PDE4D: variants seen among roughly 807,000 people sequenced by gnomAD.
The protein encoded by PDE4D is 3',5'-cyclic-AMP phosphodiesterase 4D.
PDE4D carries 24 observed loss-of-function variants against 87.4 expected under a neutral mutation model. That is an observed-to-expected ratio of 0.27 (90% CI 0.20 to 0.39). The LOEUF (loss-of-function observed/expected upper bound fraction) is 0.39, where lower values mean the gene tolerates loss of function less well. Ranked by LOEUF, PDE4D falls within the 10% of genes least tolerant of loss-of-function variation. The pLI is 1.00. For missense variants in PDE4D, 714 were observed against 1,041.0 expected (o/e 0.69, Z 4.32); for synonymous variants, 384 against 383.2 (o/e 1.00, Z -0.02).
At chr5:60,132,229 A>T (rs1779652066) in intron 2 of PDE4D, among the ~76,000 whole-genome samples, 1 of 152,242 alleles carries the variant, frequency 6.6e-6, no homozygotes. Flanking sequence ...ACATTTGTTT[A>T]TAAATAATGT....
chr5:60,002,109 T>A (rs762718966), intron 2 of PDE4D, among the ~76,000 whole-genome samples: 10 of 152,040 alleles, frequency 6.6e-5, no homozygotes, highest in Admixed American at 2.0e-4. Context: ...ACAAAGTGGC[T>A]GAATGAATTA....
At chr5:60,412,692 T>G (rs1742141848) in intron 1 of PDE4D, among the ~76,000 whole-genome samples, 1 of 152,212 alleles carries the variant, frequency 6.6e-6, no homozygotes, top group African/African-American at 2.4e-5. Flanking sequence ...TATGAGGCAC[T>G]CCAAGATCTT....
chr5:59,393,963 A>G (rs1788766788), intron 1 of PDE4D, among the ~76,000 whole-genome samples: 1 of 152,226 alleles, frequency 6.6e-6, no homozygotes, highest in African/African-American at 2.4e-5. Flanking sequence ...AAGGGTTAGA[A>G]ATAGTATTTT....
intron 2 of PDE4D, among the ~76,000 whole-genome samples, chr5:60,012,364 T>C (rs1765097405): frequency 6.6e-6 from 1 of 152,232 alleles, no homozygotes; most frequent in Admixed American, 6.5e-5. Flanking sequence ...AACATGACTT[T>C]AAATGATTTC....
rs1252983831 is a variant in PDE4D at position 59,369,230 on chromosome 5, T to C, written c.456-153262A>G. On this transcript the variant is annotated intron_variant, in intron 1 of 14. Coordinates refer to ENST00000340635, the MANE Select transcript of PDE4D (RefSeq NM_001104631.2). ...AGGCAGACAAGGACGGTAACAAGTC[T>C]GTGTAGGAATCTACACATATCTAGT... Among the ~76,000 whole-genome samples, 4 of 151,922 alleles carry C rather than the reference T, an allele frequency of 2.6e-5. No homozygotes were observed. In the East Asian group the frequency reaches 7.8e-4, roughly 29 times the overall value.
intron 1 of PDE4D, among the ~76,000 whole-genome samples, chr5:59,584,719 G>A (rs1197738808): frequency 6.6e-6 from 1 of 151,974 alleles, no homozygotes; most frequent in Non-Finnish European, 1.5e-5. Flanking sequence ...TAAACAAATG[G>A]GCTTAAACAG....
intron 1 of PDE4D, among the ~76,000 whole-genome samples, chr5:59,707,693 G>A (rs1753638441): frequency 6.6e-6 from 1 of 152,028 alleles, no homozygotes; most frequent in South Asian, 2.1e-4. Flanking sequence ...AGGCCCCAGT[G>A]TGTGTTGTTC....
At chr5:60,257,348 T>G (rs1478211379) in intron 1 of PDE4D, among the ~76,000 whole-genome samples, 1 of 151,890 alleles carries the variant, frequency 6.6e-6, no homozygotes, top group Non-Finnish European at 1.5e-5. Context: ...ACACAAAACT[T>G]TCGCTATTAA....
chr5:59,105,090 C>T (rs938690902), intron 5 of PDE4D, among the ~76,000 whole-genome samples: 11 of 152,162 alleles, frequency 7.2e-5, no homozygotes, highest in South Asian at 2.1e-4. Flanking sequence ...CCACATCAAA[C>T]GCACCAAGTC....
At chr5:60,199,589 A>T (rs962798616) in intron 1 of PDE4D, among the ~76,000 whole-genome samples, 1 of 151,712 alleles carries the variant, frequency 6.6e-6, no homozygotes, top group East Asian at 1.9e-4. Context: ...ATTTTTCAGA[A>T]GGACAATGAT....
intron 6 of PDE4D, among the ~76,000 whole-genome samples, chr5:59,020,893 G>A (rs1755033352): frequency 6.6e-6 from 1 of 152,060 alleles, no homozygotes; most frequent in African/African-American, 2.4e-5. Context: ...CTAGAACTAG[G>A]TTTAGGGTTT....
intron 1 of PDE4D, among the ~76,000 whole-genome samples, chr5:59,295,350 T>C (rs1004102177): frequency 6.6e-6 from 1 of 152,168 alleles, no homozygotes; most frequent in African/African-American, 2.4e-5. Flanking sequence ...ATGGAAGTTG[T>C]ATTTGGTGTT....
chr5:59,085,374 C>A (rs947602514), intron 5 of PDE4D, among the ~76,000 whole-genome samples: 1 of 152,118 alleles, frequency 6.6e-6, no homozygotes, highest in African/African-American at 2.4e-5. Context: ...CACTCTCACA[C>A]ACAGAGACAG....
intron 1 of PDE4D, among the ~76,000 whole-genome samples, chr5:59,608,636 A>T (rs907236212): frequency 2.0e-5 from 3 of 152,108 alleles, no homozygotes; most frequent in Non-Finnish European, 4.4e-5. Context: ...AGAAGCTATG[A>T]TTTAGACAGC....
intron 1 of PDE4D, among the ~76,000 whole-genome samples, chr5:59,321,634 G>A (rs889444448): frequency 3.3e-5 from 5 of 152,188 alleles, no homozygotes; most frequent in East Asian, 3.9e-4. Flanking sequence ...GTGAAAAGGC[G>A]CCTCAGGACT....
chr5:59,701,772 T>C (rs1371769082), intron 1 of PDE4D, among the ~76,000 whole-genome samples: 2 of 152,218 alleles, frequency 1.3e-5, no homozygotes, highest in Non-Finnish European at 2.9e-5. Flanking sequence ...CTTCACAACT[T>C]CTCAAAGCTT....
chr5:59,566,600 G>A (rs1820973046), intron 1 of PDE4D, among the ~76,000 whole-genome samples: 1 of 151,168 alleles, frequency 6.6e-6, no homozygotes, highest in Admixed American at 6.6e-5. Flanking sequence ...ATGAGAGAGA[G>A]AGAGAAAGAG....
At chr5:59,933,786 A>ATG in intron 3 of PDE4D, among the ~76,000 whole-genome samples, 1 of 109,074 alleles carries the variant, frequency 9.2e-6, no homozygotes, top group South Asian at 2.4e-4. Context: ...ATATATATAT[A>ATG]TATATTAATA....
chr5:60,269,166 G>T (rs1170354037), intron 1 of PDE4D, among the ~76,000 whole-genome samples: 1 of 152,134 alleles, frequency 6.6e-6, no homozygotes, highest in African/African-American at 2.4e-5. Flanking sequence ...AATTAGCTGG[G>T]CGTGGTGGCA....
Sources: gnomAD v4.1 joint callset for allele counts (sites outside exome capture counted in the v4.1 genomes callset) on GRCh38, gnomAD v4.1.1 for gene constraint, MANE v1.5 for transcripts, NCBI Gene and HGNC (gene_info 2026-07-23, HGNC 2026-07-21) for gene names.